TPPP: variants seen among roughly 807,000 people sequenced by gnomAD.
TPPP encodes tubulin polymerization promoting protein.
In TPPP, 6 loss-of-function variants were observed where a neutral mutation model predicts 15.5. That is an observed-to-expected ratio of 0.39 (90% CI 0.21 to 0.77). The LOEUF is 0.77. Ranked by LOEUF, TPPP falls within the 30% of genes least tolerant of loss-of-function variation. The probability of loss-of-function intolerance (pLI) is 0.42; values close to 1 mark genes in which losing one functional copy is unlikely to be tolerated. For missense variants in TPPP, 269 were observed against 307.2 expected (o/e 0.88, Z 0.93); for synonymous variants, 146 against 133.9 (o/e 1.09, Z -0.63).
intron 1 of TPPP, chr5:692,523 G>A: frequency 1.1e-6 from 1 of 939,006 alleles, no homozygotes; most frequent in Middle Eastern, 5.5e-4. Flanking sequence ...TATCAAAACA[G>A]CAGCCCCGCC....
At chr5:677,707 C>G in intron 2 of TPPP, 43 bp downstream of exon 2, 1 of 1,509,834 alleles carries the variant, frequency 6.6e-7, no homozygotes. Context: ...GCCGCAGACC[C>G]CCGTAAGTCA....
intron 2 of TPPP, among the ~76,000 whole-genome samples, chr5:673,220 T>C (rs2126887904): frequency 6.6e-6 from 1 of 152,202 alleles, no homozygotes; most frequent in East Asian, 1.9e-4. Flanking sequence ...GGAAAATCTC[T>C]AGTGTCCCCA....
chr5:663,942 C>T lies in TPPP; in HGVS notation c.*1160G>A, dbSNP rs1739791141. The T allele has an allele frequency of 6.6e-6, 1 of 152,620 alleles. No individual in the cohort carries two copies. The highest frequency in any genetic ancestry group is 1.9e-4 in the East Asian group (1 of 5,216). The allele number at this position is 152,620 out of a possible 1,614,324, so 9.5% of individuals were successfully genotyped here. On this transcript the variant is annotated 3_prime_UTR_variant, in exon 4 of 4. Transcript: ENST00000360578. Reference sequence around the variant, plus strand: ...AGGGAGCAGGAGCGCCGGCTTCTCCCCAGGTGCAGACAGGCAAGGGCGGGC... The same window carrying T: ...AGGGAGCAGGAGCGCCGGCTTCTCCTCAGGTGCAGACAGGCAAGGGCGGGC...
At chr5:696,422 C>T (rs1741012135), upstream of TPPP, among the ~76,000 whole-genome samples, 1 of 145,480 alleles carries the variant, frequency 6.9e-6, no homozygotes, top group South Asian at 2.3e-4. Flanking sequence ...TGTCCACCCA[C>T]CCCTGGCAGC....
At chr5:698,201 A>G (rs1741046827), upstream of TPPP, among the ~76,000 whole-genome samples, 3 of 151,870 alleles carry the variant, frequency 2.0e-5, no homozygotes, top group African/African-American at 7.3e-5. Flanking sequence ...ATCCACAGCC[A>G]ACATCAGAAT....
upstream of TPPP, among the ~76,000 whole-genome samples, chr5:694,210 C>T (rs1475513081): frequency 1.3e-5 from 2 of 151,764 alleles, no homozygotes; most frequent in Admixed American, 6.6e-5. Context: ...GGCTGCCCGG[C>T]CCTCCGCAGG....
At chr5:698,219 GA>G (rs1561098784), upstream of TPPP, among the ~76,000 whole-genome samples, 1 of 151,898 alleles carries the variant, frequency 6.6e-6, no homozygotes, top group Non-Finnish European at 1.5e-5. Flanking sequence ...AATTAAGGGG[GA>G]AAAGTTGAAA....
upstream of TPPP, among the ~76,000 whole-genome samples, chr5:696,109 G>A (rs1428617725): frequency 2.4e-5 from 3 of 124,942 alleles, no homozygotes; most frequent in East Asian, 5.9e-4. Flanking sequence ...TTGGGGTTGG[G>A]TTTTGTGGGT....
intron 2 of TPPP, chr5:675,858 A>C (rs904527878): frequency 3.3e-5 from 5 of 152,178 alleles, no homozygotes; most frequent in African/African-American, 4.8e-5. Flanking sequence ...CAGAGGGGCC[A>C]GCCACAGCCT....
upstream of TPPP, among the ~76,000 whole-genome samples, chr5:697,287 A>G (rs367772007): frequency 1.6e-3 from 126 of 80,468 alleles, 2 homozygotes; most frequent in African/African-American, 5.2e-3. Context: ...GGGGAAGCCA[A>G]ATGGGGGGTG....
intron 1 of TPPP, among the ~76,000 whole-genome samples, chr5:685,836 C>T (rs1002829607): frequency 7.9e-5 from 12 of 152,152 alleles, no homozygotes; most frequent in South Asian, 2.1e-4. Flanking sequence ...CCAGGCCACA[C>T]GGCAGATCCC....
In TPPP at chr5:662,466, G is replaced by A. The variant is rs1272819360; in HGVS notation, c.*2636C>T. ...CCCACAGACCGGATCAGGGCCTGGC[G>A]AGCCTCTGTGCCTGCCGTGCGGTGT... On this transcript the variant is annotated 3_prime_UTR_variant, in exon 4 of 4. Transcript: ENST00000360578. 1 of 152,414 alleles carries A rather than the reference G, an allele frequency of 6.6e-6. No homozygotes were observed. Among genetic ancestry groups the A allele is most frequent in the African/African-American group, 2.4e-5 (1 of 41,456 alleles). The allele number at this position is 152,414 out of a possible 1,614,324, so 9.4% of individuals were successfully genotyped here.
intron 2 of TPPP, among the ~76,000 whole-genome samples, chr5:670,849 C>T (rs565020547): frequency 7.9e-5 from 12 of 152,338 alleles, no homozygotes; most frequent in Middle Eastern, 3.4e-3. Flanking sequence ...TCATAAGTGA[C>T]TCCACCAGCA....
upstream of TPPP, among the ~76,000 whole-genome samples, chr5:697,112 G>A (rs1741027364): frequency 6.6e-6 from 1 of 151,166 alleles, no homozygotes; most frequent in Admixed American, 6.6e-5. Context: ...ATTGCATCTG[G>A]TTATTCTGGG....
intron 2 of TPPP, among the ~76,000 whole-genome samples, chr5:676,877 T>C (rs116438415): frequency 0.04 from 5,102 of 127,592 alleles, 319 homozygotes; most frequent in African/African-American, 0.17. Flanking sequence ...CGCAGAAACA[T>C]GCACACACGA....
chr5:671,204 CTAAT>C (rs1315532362), intron 2 of TPPP, among the ~76,000 whole-genome samples: 2 of 145,888 alleles, frequency 1.4e-5, no homozygotes, highest in East Asian at 4.3e-4. Flanking sequence ...GCGCTTGCTG[CTAAT>C]TAATTTTGCG....
At chr5:675,329 T>C in intron 2 of TPPP, among the ~76,000 whole-genome samples, 1 of 28,152 alleles carries the variant, frequency 3.6e-5, no homozygotes, top group Admixed American at 5.4e-4. Flanking sequence ...TGGCCGGGGG[T>C]GCAGTGTGGC....
At chr5:699,082 A>G in the TPPP span, among the ~76,000 whole-genome samples, 1 of 151,966 alleles carries the variant, frequency 6.6e-6, no homozygotes, top group African/African-American at 2.4e-5. Flanking sequence ...AAATTATCAT[A>G]CTGTTCAAAG....
In TPPP at chr5:665,485, G is replaced by A. The variant is rs146505017; in HGVS notation, c.466-189C>T. ...GACCCTGGGGCAGCCTTGGGCCTGC[G>A]GGGTGCCACAACCCTAACAATTGCC... is the stretch of plus-strand genomic sequence containing the variant. On this transcript the variant is annotated intron_variant, in intron 3 of 3. Coordinates refer to ENST00000360578, the MANE Select transcript of TPPP (RefSeq NM_007030.3). 6.6e-5 allele frequency among the ~76,000 whole-genome samples: 10 copies of A among 152,094 alleles called. No individual in the cohort carries two copies. The East Asian group carries it at 7.8e-4, about 12-fold the overall frequency.
Sources: gnomAD v4.1 joint callset for allele counts (sites outside exome capture counted in the v4.1 genomes callset) on GRCh38, gnomAD v4.1.1 for gene constraint, MANE v1.5 for transcripts, NCBI Gene and HGNC (gene_info 2026-07-23, HGNC 2026-07-21) for gene names.